KMT2D: variants seen among roughly 807,000 people sequenced by gnomAD.
KMT2D encodes the protein lysine methyltransferase 2D, also known as histone-lysine N-methyltransferase 2D.
A neutral mutation model predicts 512.7 loss-of-function variants in KMT2D; 55 were observed. The observed-to-expected ratio is 0.11, with a 90% confidence interval of 0.09 to 0.13. KMT2D has a LOEUF of 0.13. Ranked by LOEUF, KMT2D falls within the 10% of genes least tolerant of loss-of-function variation. KMT2D has a pLI of 1.00. For missense variants in KMT2D, 6,061 were observed against 7,127.9 expected (o/e 0.85, Z 5.39); for synonymous variants, 2,995 against 2,904.0 (o/e 1.03, Z -1.01).
At position 49,052,126 on chromosome 12, in the gene KMT2D, G is replaced by C. The variant is rs371020316; in HGVS notation, c.1557C>G (p.Pro519=). 4.3e-6 allele frequency: 7 copies of C among 1,612,818 alleles called. No homozygotes were observed. The highest frequency in any genetic ancestry group is 5.9e-6 in the Non-Finnish European group (7 of 1,179,548). ...SSPFSPLEES[P]LSPPEESPPS... ...GGGGTGACTCTTCCGGTGGAGACAA[G>C]GGCGACTCCTCCAGTGGAGAAAAAG... Residue 519 remains proline, a synonymous_variant, in exon 11 of 55, where the codon CCC becomes CCG. Transcript: ENST00000301067.
At position 49,033,590 on chromosome 12, in the gene KMT2D, A is replaced by G; in HGVS notation, c.11115T>C (p.Ala3705=). Residue 3705 remains alanine, a synonymous_variant, in exon 40 of 55, where the codon GCT becomes GCC. Coordinates refer to ENST00000301067, the MANE Select transcript of KMT2D (RefSeq NM_003482.4). The stretch of plus-strand genomic sequence containing the variant: ...TTGAATCAGGTCCGAGGCTTCGAAG[A>G]GCAAGGTTGCCAGGGAAGAAGCCCC... ...PSGGFFPGNL[A]LRSLGPDSRL... 11 of 1,613,542 alleles carry G rather than the reference A, an allele frequency of 6.8e-6. No individual in the cohort carries two copies. Among genetic ancestry groups the G allele is most frequent in the Non-Finnish European group, 9.3e-6 (11 of 1,179,828 alleles).
Position 49,052,930 on chromosome 12 carries a change from G to A in KMT2D, c.1097C>T (p.Thr366Ile), listed in dbSNP as rs2120691736. The change falls in exon 9 of 55, where the codon ACC becomes ATC. Residue 366 changes from threonine (T) to isoleucine (I), a missense_variant. Transcript: ENST00000301067. ...CACCACTTACCTGCTACACACCGGGGTATGCTGCTCAGCAACGGAGCGGAT... is the reference window on the plus strand; with the variant it reads ...CACCACTTACCTGCTACACACCGGGATATGCTGCTCAGCAACGGAGCGGAT... ...QTIRSVAEQH[T>I]PVCSRFSPPE... The A allele has an allele frequency of 6.2e-7, 1 of 1,613,978 alleles. No individual in the cohort carries two copies. The highest frequency in any genetic ancestry group is 8.5e-7 in the Non-Finnish European group (1 of 1,179,856).
chr12:49,024,490 A>G lies in KMT2D; in HGVS notation c.16052+88T>C. The G allele has an allele frequency of 6.7e-7, 1 of 1,495,596 alleles. No homozygotes were observed. Among genetic ancestry groups the G allele is most frequent in the African/African-American group, 1.4e-5 (1 of 71,402 alleles). The allele number at this position is 1,495,596 out of a possible 1,614,324, so 92.6% of individuals were successfully genotyped here. ...CCCCATTTTCTCCACGGGAACTCTG[A>G]TCTGTATCCTAAATCCTCATAATGG... On this transcript the variant is annotated intron_variant, in intron 51 of 54. Transcript: ENST00000301067. The surrounding 1 kb of genome is among the most constrained non-coding windows in gnomAD (Gnocchi z 4.5).
At position 49,031,044 on chromosome 12, in the gene KMT2D, T is replaced by C; in HGVS notation, c.13531-11A>G. ...CCTTGCTGCTGCATCCTAAGCCAAA[T>C]AAGCCCATTGAAGGCTGCTACCCTC... On this transcript the variant is annotated splice_polypyrimidine_tract_variant and intron_variant, in intron 40 of 54. Coordinates refer to ENST00000301067, the MANE Select transcript of KMT2D (RefSeq NM_003482.4). 6.2e-7 allele frequency: 1 copy of C among 1,613,402 alleles called. No individual in the cohort carries two copies. The highest frequency in any genetic ancestry group is 8.5e-7 in the Non-Finnish European group (1 of 1,179,756).
At chr12:49,056,871 C>A (rs1173546380) in intron 1 of KMT2D, among the ~76,000 whole-genome samples, 1 of 152,208 alleles carries the variant, frequency 6.6e-6, no homozygotes, top group African/African-American at 2.4e-5. Context: ...ACTCTTCCTG[C>A]CCTGAACTCA....
At position 49,046,251 on chromosome 12, in the gene KMT2D, T is replaced by C. The variant is rs1943779950; in HGVS notation, c.4583+9A>G. The C allele has an allele frequency of 1.2e-6, 2 of 1,613,944 alleles. No individual in the cohort carries two copies. Among genetic ancestry groups the C allele is most frequent in the Non-Finnish European group, 1.7e-6 (2 of 1,179,856 alleles). On this transcript the variant is annotated intron_variant, in intron 17 of 54. Coordinates refer to ENST00000301067, the MANE Select transcript of KMT2D (RefSeq NM_003482.4). The surrounding 1 kb of genome is among the most constrained non-coding windows in gnomAD (Gnocchi z 4.2). ...CAGGGCCAAAGTGAGGAGAAAGGGA[T>C]GTTCTCACCGTTCACAGTGGCGGCA...
In KMT2D at chr12:49,021,657, C is replaced by T; in HGVS notation, c.*123G>A. The T allele has an allele frequency of 1.2e-6, 1 of 808,132 alleles. No homozygotes were observed. Among genetic ancestry groups the T allele is most frequent in the South Asian group, 1.8e-5 (1 of 56,950 alleles). The allele number at this position is 808,132 out of a possible 1,614,324, so 50.1% of individuals were successfully genotyped here. A position where few individuals can be genotyped will look rare whatever the true frequency, so the allele number is the denominator to read the frequency against. On this transcript the variant is annotated 3_prime_UTR_variant, in exon 55 of 55. Transcript: ENST00000301067. ...CCCCAGCCTCCTGCTCCAGGGGCTC[C>T]GGGTCAGCCGGCAGCCCCAACCCTG...
Position 49,042,160 on chromosome 12 carries a change from C to A in KMT2D, c.6038G>T (p.Gly2013Val). The change falls in exon 29 of 55, where the codon GGC becomes GTC. Residue 2013 changes from glycine (G) to valine (V), a missense_variant. Physicochemically the swap from Gly to Val is moderately radical, Grantham distance 109 (BLOSUM62 -3). Transcript: ENST00000301067. The surrounding 1 kb of genome is among the most constrained non-coding windows in gnomAD (Gnocchi z 4.4). Reference sequence around the variant, plus strand: ...CACAGGTGAGATGGTGGACAGCTGGCCCAACTCCTCATCCTTCTCCCAGCG... The same window carrying A: ...CACAGGTGAGATGGTGGACAGCTGGACCAACTCCTCATCCTTCTCCCAGCG... ...LQRWEKDEELGQLSTISPVLY... is the reference protein window; with the variant it reads ...LQRWEKDEELVQLSTISPVLY... 1 of 1,612,926 alleles carries A rather than the reference C, an allele frequency of 6.2e-7. No homozygotes were observed. Among genetic ancestry groups the A allele is most frequent in the Non-Finnish European group, 8.5e-7 (1 of 1,179,504 alleles).
At chr12:49,047,586 T>A (rs1937635972) in intron 15 of KMT2D, among the ~76,000 whole-genome samples, 1 of 80,206 alleles carries the variant, frequency 1.2e-5, no homozygotes, top group Admixed American at 1.2e-4. Context: ...CTCAGCTAAT[T>A]TTTGTTATTT....
At chr12:49,047,403 TTCC>T (rs1943841721) in intron 15 of KMT2D, among the ~76,000 whole-genome samples, 1 of 150,590 alleles carries the variant, frequency 6.6e-6, no homozygotes, top group African/African-American at 2.5e-5. Context: ...CCCCCAGTTT[TTCC>T]TTTTTTTTTT....
intron 51 of KMT2D, among the ~76,000 whole-genome samples, chr12:49,023,085 C>T (rs1274607096): frequency 6.6e-6 from 1 of 152,134 alleles, no homozygotes; most frequent in Non-Finnish European, 1.5e-5. Flanking sequence ...ACCCTTCTGA[C>T]ACCCTGGGTG....
intron 15 of KMT2D, among the ~76,000 whole-genome samples, chr12:49,047,406 C>G (rs1354850493): frequency 1.1e-5 from 1 of 93,882 alleles, no homozygotes. Flanking sequence ...CCAGTTTTTC[C>G]TTTTTTTTTT....
chr12:49,050,916 G>C lies in KMT2D; in HGVS notation c.2767C>G (p.Pro923Ala), dbSNP rs2120659700. Reference sequence around the variant, plus strand: ...GGCATCAGCTGAGGCGACAAGGATGGCTCCCCAGATGGGGACAACGGCAGC... The same window carrying C: ...GGCATCAGCTGAGGCGACAAGGATGCCTCCCCAGATGGGGACAACGGCAGC... ...EELPLSPSGE[P>A]SLSPQLMPPD... Residue 923 changes from proline to alanine, a missense_variant, in exon 11 of 55, where the codon CCA (proline) becomes GCA (alanine). Pro to Ala is a conservative substitution (Grantham distance 27). This residue lies in a region of KMT2D where 848 missense variants were observed against 838.5 expected (regional missense o/e 1.01). Coordinates refer to ENST00000301067, the MANE Select transcript of KMT2D (RefSeq NM_003482.4). 2.0e-6 allele frequency: 3 copies of C among 1,536,358 alleles called. No homozygotes were observed. The highest frequency in any genetic ancestry group is 2.6e-6 in the Non-Finnish European group (3 of 1,140,724).
Position 49,029,121 on chromosome 12 carries a change from C to G in KMT2D, c.14191G>C (p.Glu4731Gln). 1 of 1,612,968 alleles carries G rather than the reference C, an allele frequency of 6.2e-7. No homozygotes were observed. Among genetic ancestry groups the G allele is most frequent in the Non-Finnish European group, 8.5e-7 (1 of 1,179,182 alleles). Residue 4731 changes from glutamate (E) to glutamine (Q), a missense_variant, in exon 45 of 55, where the codon GAG becomes CAG. Coordinates refer to ENST00000301067, the MANE Select transcript of KMT2D (RefSeq NM_003482.4). The stretch of plus-strand genomic sequence containing the variant: ...GGGGAGAGGGCCCGGTCCTCTTGCT[C>G]CCACCGGCCTGAGCCCAGATGAGGG... ...RFPHLGSGRW[E>Q]QEDRALSPVI...
rs748446572 is a variant in KMT2D, at chr12:49,026,402, G to A, written c.15564C>T (p.Ile5188=). The A allele has an allele frequency of 4.3e-6, 7 of 1,613,728 alleles. No homozygotes were observed. The highest frequency in any genetic ancestry group is 3.3e-5 in the Admixed American group (2 of 59,996). The change falls in exon 49 of 55, where the codon ATC becomes ATT. Residue 5188 remains isoleucine, a synonymous_variant. Transcript: ENST00000301067. The surrounding 1 kb of genome is among the most constrained non-coding windows in gnomAD (Gnocchi z 9.6). ...CCATCTGGTGAGGCAGCAGCTGTCC[G>A]ATGGCGTGGAACACAAGGCCCCCCA... ...FRVGGLVFHA[I]GQLLPHQMAD...
chr12:49,028,874 C>T lies in KMT2D; in HGVS notation c.14336G>A (p.Gly4779Glu), dbSNP rs1263198421. 2.5e-6 allele frequency: 4 copies of T among 1,613,922 alleles called. No individual in the cohort carries two copies. In the African/African-American group the frequency reaches 4.0e-5, roughly 16 times the overall value. Residue 4779 changes from glycine (G) to glutamate (E), a missense_variant, in exon 46 of 55, where the codon GGA becomes GAA. Transcript: ENST00000301067. ...TGTGAGCATGACTGACACCTCACTT[C>T]CTTTGCCCTTTTCCCAAGTTGTGAC... is the stretch of plus-strand genomic sequence containing the variant. ...LPVTTWEKGK[G>E]SEVSVMLTVS...
At position 49,044,313 on chromosome 12, in the gene KMT2D, A is replaced by C; in HGVS notation, c.5084-9T>G. The C allele has an allele frequency of 6.2e-7, 1 of 1,613,908 alleles. No homozygotes were observed. The highest frequency in any genetic ancestry group is 8.5e-7 in the Non-Finnish European group (1 of 1,179,860). On this transcript the variant is annotated splice_polypyrimidine_tract_variant and intron_variant, in intron 21 of 54. Coordinates refer to ENST00000301067, the MANE Select transcript of KMT2D (RefSeq NM_003482.4). This position sits in a 1 kb window ranked among gnomAD's most constrained non-coding sequence, Gnocchi z 6.4. Reference sequence around the variant, plus strand: ...CATGAAACCACCAATGCCTATGAGGAGGCAGAGTTGTGGATGAGAAGCCGC... The same window carrying C: ...CATGAAACCACCAATGCCTATGAGGCGGCAGAGTTGTGGATGAGAAGCCGC...
chr12:49,044,681 A>T lies in KMT2D; in HGVS notation c.4963+63T>A. The T allele has an allele frequency of 6.4e-7, 1 of 1,562,888 alleles. No homozygotes were observed. The highest frequency in any genetic ancestry group is 8.8e-7 in the Non-Finnish European group (1 of 1,140,408). On this transcript the variant is annotated intron_variant, in intron 20 of 54. Transcript: ENST00000301067. The surrounding 1 kb of genome is among the most constrained non-coding windows in gnomAD (Gnocchi z 6.4). ...TGAGTGGCAATGTAGCCCCCACCCA[A>T]CATCCCACTCCCAGAGTCACGCTCC... is the stretch of plus-strand genomic sequence containing the variant.
rs1168385151 is a variant in KMT2D, at chr12:49,038,626, A to C, written c.8730T>G (p.Ser2910Arg). 1.2e-6 allele frequency: 2 copies of C among 1,612,964 alleles called. No homozygotes were observed. The highest frequency in any genetic ancestry group is 1.1e-5 in the South Asian group (1 of 91,072). The stretch of plus-strand genomic sequence containing the variant: ...CAGGAGCCAGTCGGTGGGGGTCCTC[A>C]CTTACAGGGTAAAAACGGGGTCTCT... ...PPQRPRFYPV[S>R]EDPHRLAPEG... Residue 2910 changes from serine to arginine, a missense_variant, in exon 35 of 55, where the codon AGT becomes AGG. Coordinates refer to ENST00000301067, the MANE Select transcript of KMT2D (RefSeq NM_003482.4). This position sits in a 1 kb window ranked among gnomAD's most constrained non-coding sequence, Gnocchi z 5.7.
Sources: allele counts gnomAD v4.1 joint callset (sites outside exome capture counted in the v4.1 genomes callset), GRCh38; gene constraint gnomAD v4.1.1; regional missense constraint gnomAD v4.1.1; non-coding constraint Gnocchi (gnomAD v3.1); transcripts MANE v1.5; gene names NCBI Gene and HGNC (gene_info 2026-07-23, HGNC 2026-07-21).